The following BRIP1 variants were observed in gnomAD, a reference collection of about 807,000 sequenced individuals.
BRIP1 encodes the protein BRCA1 interacting DNA helicase 1.
BRIP1 carries 88 observed loss-of-function variants against 119.7 expected under a neutral mutation model. The observed-to-expected ratio is 0.74, with a 90% CI of 0.62 to 0.88. BRIP1 has a LOEUF of 0.88. Among genes scored for constraint, BRIP1 ranks in the 40% least tolerant of loss-of-function variants. BRIP1 has a pLI of 0.00. For missense variants in BRIP1, 1,259 were observed against 1,455.4 expected, an observed-to-expected ratio of 0.87 and a Z score of 2.20; for synonymous variants, 443 against 496.5, an observed-to-expected ratio of 0.89 and a Z score of 1.43.
chr17:61,812,434 G>C (rs2145455895), intron 6 of BRIP1, among the ~76,000 whole-genome samples: 1 of 151,656 alleles, frequency 6.6e-6, no homozygotes, highest in South Asian at 2.1e-4. Flanking sequence ...ATAAGACATG[G>C]GGCTTTCCAA....
In BRIP1 at chr17:61,851,508, C is replaced by T. The variant is rs2078821912; in HGVS notation, c.380-2252G>A. Reference sequence around the variant, plus strand: ...TATGGACATCTAACAGGCCTAGCACCACCCAAGTTCTTCCTTTCCCCTACA... The same window carrying T: ...TATGGACATCTAACAGGCCTAGCACTACCCAAGTTCTTCCTTTCCCCTACA... On this transcript the variant is annotated intron_variant, in intron 4 of 19. Transcript: ENST00000259008. This position sits in a 1 kb window ranked among gnomAD's most constrained non-coding sequence, Gnocchi z 4.6. Among the ~76,000 whole-genome samples the T allele has an allele frequency of 6.6e-6, 1 of 152,038 alleles. No individual in the cohort carries two copies. The highest frequency in any genetic ancestry group is 2.4e-5 in the African/African-American group (1 of 41,402).
intron 14 of BRIP1, among the ~76,000 whole-genome samples, chr17:61,750,458 G>A: frequency 6.6e-6 from 1 of 152,126 alleles, no homozygotes; most frequent in African/African-American, 2.4e-5. Flanking sequence ...ATTTGGCAAT[G>A]ATTTGTTGGC....
intron 16 of BRIP1, among the ~76,000 whole-genome samples, chr17:61,719,195 T>C (rs1360967571): frequency 7.0e-6 from 1 of 143,384 alleles, no homozygotes; most frequent in African/African-American, 2.5e-5. Context: ...CCATGTTTAT[T>C]GCAGCACTAT....
At chr17:61,716,164 TAG>T (rs2061859334) in intron 16 of BRIP1, 101 bp from the exon 17 acceptor site, 1 of 753,656 alleles carries the variant, frequency 1.3e-6, no homozygotes, top group African/African-American at 1.8e-5. Context: ...ATTTTTAGGG[TAG>T]AGATTTTATT....
In BRIP1 at chr17:61,695,350, C is replaced by T. The variant is rs1174982331; in HGVS notation, c.2493-1838G>A. 1.3e-5 allele frequency among the ~76,000 whole-genome samples: 2 copies of T among 152,100 alleles called. No homozygotes were observed. Among genetic ancestry groups the T allele is most frequent in the Non-Finnish European group, 2.9e-5 (2 of 67,990 alleles). ...CAATTCTACCCATTGATCTATACAT[C>T]TGTCTTTATGCCAGTACAACATAGT... On this transcript the variant is annotated intron_variant, in intron 17 of 19. Transcript: ENST00000259008. This position sits in a 1 kb window ranked among gnomAD's most constrained non-coding sequence, Gnocchi z 4.3.
Position 61,770,487 on chromosome 17 carries a change from A to G in BRIP1, c.2097+5914T>C, listed in dbSNP as rs1455851562. 6.6e-6 allele frequency among the ~76,000 whole-genome samples: 1 copy of G among 152,242 alleles called. No individual in the cohort carries two copies. The highest frequency in any genetic ancestry group is 1.5e-5 in the Non-Finnish European group (1 of 68,036). ...TGTTTTAACATAGATACAAAAGACA[A>G]TATAAAATGTATTCTGTTTTTAATT... is the stretch of plus-strand genomic sequence containing the variant. On this transcript the variant is annotated intron_variant, in intron 14 of 19. Coordinates refer to ENST00000259008, the MANE Select transcript of BRIP1 (RefSeq NM_032043.3). This position sits in a 1 kb window ranked among gnomAD's most constrained non-coding sequence, Gnocchi z 4.7.
At position 61,814,688 on chromosome 17, in the gene BRIP1, T is replaced by C. The variant is rs140325361; in HGVS notation, c.628-5931A>G. 1.3e-5 allele frequency among the ~76,000 whole-genome samples: 2 copies of C among 152,116 alleles called. No individual in the cohort carries two copies. The highest frequency in any genetic ancestry group is 2.4e-5 in the African/African-American group (1 of 41,546). On this transcript the variant is annotated intron_variant, in intron 6 of 19. Coordinates refer to ENST00000259008, the MANE Select transcript of BRIP1 (RefSeq NM_032043.3). This position sits in a 1 kb window ranked among gnomAD's most constrained non-coding sequence, Gnocchi z 4.9. The stretch of plus-strand genomic sequence containing the variant: ...GATCTAGTGAAATCAAAGATACATA[T>C]ACCCTTTGACCCAGCATGACACTGT...
At chr17:61,688,714 C>G (rs901057211) in intron 18 of BRIP1, among the ~76,000 whole-genome samples, 1 of 149,454 alleles carries the variant, frequency 6.7e-6, no homozygotes, top group African/African-American at 2.5e-5. Context: ...AAAAAATAAC[C>G]CTGTCAAAGG....
intron 16 of BRIP1, among the ~76,000 whole-genome samples, chr17:61,719,579 G>T (rs1305486191): frequency 1.3e-5 from 2 of 151,884 alleles, no homozygotes; most frequent in Non-Finnish European, 2.9e-5. Flanking sequence ...AAAAAAATTA[G>T]CCAGGTGTGG....
intron 19 of BRIP1, 26 bp downstream of exon 19, chr17:61,685,810 A>C: frequency 6.5e-7 from 1 of 1,549,736 alleles, no homozygotes; most frequent in Non-Finnish European, 8.9e-7. Flanking sequence ...TCTCTATCAA[A>C]GGTAAATGGG....
Position 61,780,874 on chromosome 17 carries a change from T to A in BRIP1, c.1760A>T (p.His587Leu), listed in dbSNP as rs876660646. ...KKRSRQKTAV[H>L]VLNFWCLNPA... is the part of the protein sequence containing the mutation. ...ATTTAAGCACCAAAAGTTTAGCACA[T>A]GAACTGCAGTTTTCTGTCGTGAACG... The change falls in exon 12 of 20, where the codon CAT (histidine) becomes CTT (leucine). Residue 587 changes from histidine (H) to leucine (L), a missense_variant. This residue lies in a region of BRIP1 where 753 missense variants were observed against 891.8 expected (regional missense o/e 0.84). Transcript: ENST00000259008. The surrounding 1 kb of genome is among the most constrained non-coding windows in gnomAD (Gnocchi z 5.4). The A allele has an allele frequency of 9.9e-6, 16 of 1,614,206 alleles. No homozygotes were observed. The highest frequency in any genetic ancestry group is 1.4e-5 in the Non-Finnish European group (16 of 1,180,040).
chr17:61,828,641 T>C lies in BRIP1; in HGVS notation c.627+18460A>G, dbSNP rs973437737. Among the ~76,000 whole-genome samples the C allele has an allele frequency of 2.6e-5, 4 of 152,096 alleles. No homozygotes were observed. Among genetic ancestry groups the C allele is most frequent in the Non-Finnish European group, 5.9e-5 (4 of 67,976 alleles). ...TGTTAAATAAAGCTCTTTAAGCTAA[T>C]AGAAAAGTTACACAATACAGAAACT... On this transcript the variant is annotated intron_variant, in intron 6 of 19. Transcript: ENST00000259008. This position sits in a 1 kb window ranked among gnomAD's most constrained non-coding sequence, Gnocchi z 4.1.
chr17:61,811,263 T>A (rs2078156952), intron 6 of BRIP1, among the ~76,000 whole-genome samples: 1 of 152,112 alleles, frequency 6.6e-6, no homozygotes, highest in Non-Finnish European at 1.5e-5. Flanking sequence ...TCACTCTTTT[T>A]GCCCAGGCTG....
intron 6 of BRIP1, among the ~76,000 whole-genome samples, chr17:61,829,110 C>A (rs2890022): frequency 0.56 from 84,142 of 151,472 alleles, 24,717 homozygotes; most frequent in Non-Finnish European, 0.67. Flanking sequence ...GTGATAATTA[C>A]ACTGAATGTA....
chr17:61,852,117 G>A lies in BRIP1; in HGVS notation c.380-2861C>T, dbSNP rs2078830893. On this transcript the variant is annotated intron_variant, in intron 4 of 19. Transcript: ENST00000259008. This position sits in a 1 kb window ranked among gnomAD's most constrained non-coding sequence, Gnocchi z 4.9. ...GACATGGGCCTATTAAGAGGGTAGGGAATGTCCACCCAAAATGATCATTTA... is the reference window on the plus strand; with the variant it reads ...GACATGGGCCTATTAAGAGGGTAGGAAATGTCCACCCAAAATGATCATTTA... 6.6e-6 allele frequency among the ~76,000 whole-genome samples: 1 copy of A among 152,162 alleles called. No homozygotes were observed. Among genetic ancestry groups the A allele is most frequent in the Admixed American group, 6.5e-5 (1 of 15,278 alleles).
rs2076995217 is a variant in BRIP1 at position 61,742,196 on chromosome 17, C to T, written c.2379+817G>A. Reference sequence around the variant, plus strand: ...ACTTTTCTGCAGCCTCCTCACCTCTCTCAGCTTTCACAGAATTGAAGAGAG... The same window carrying T: ...ACTTTTCTGCAGCCTCCTCACCTCTTTCAGCTTTCACAGAATTGAAGAGAG... On this transcript the variant is annotated intron_variant, in intron 16 of 19. Transcript: ENST00000259008. The surrounding 1 kb of genome is among the most constrained non-coding windows in gnomAD (Gnocchi z 4.7). Among the ~76,000 whole-genome samples, 1 of 152,254 alleles carries T rather than the reference C, an allele frequency of 6.6e-6. No homozygotes were observed. The highest frequency in any genetic ancestry group is 2.4e-5 in the African/African-American group (1 of 41,470).
In BRIP1 at chr17:61,851,935, C is replaced by A. The variant is rs1277822840; in HGVS notation, c.380-2679G>T. On this transcript the variant is annotated intron_variant, in intron 4 of 19. Coordinates refer to ENST00000259008, the MANE Select transcript of BRIP1 (RefSeq NM_032043.3). The surrounding 1 kb of genome is among the most constrained non-coding windows in gnomAD (Gnocchi z 4.6). ...ACATTTTTCGTTGTCACAAAAAGAGCAGAGGTGGAAATACTACTAGCATCC... is the reference window on the plus strand; with the variant it reads ...ACATTTTTCGTTGTCACAAAAAGAGAAGAGGTGGAAATACTACTAGCATCC... Among the ~76,000 whole-genome samples the A allele has an allele frequency of 6.6e-6, 1 of 152,158 alleles. No homozygotes were observed. Among genetic ancestry groups the A allele is most frequent in the East Asian group, 1.9e-4 (1 of 5,192 alleles).
Position 61,681,158 on chromosome 17 carries a change from C to T in BRIP1, c.*2138G>A. ...TCAATTACCTCCCACTGGGTCCTTC[C>T]CACAACACGTCGGGATTATGGGAAC... is the stretch of plus-strand genomic sequence containing the variant. On this transcript the variant is annotated 3_prime_UTR_variant, in exon 20 of 20. Transcript: ENST00000259008. This position sits in a 1 kb window ranked among gnomAD's most constrained non-coding sequence, Gnocchi z 5.1. 1 of 192,610 alleles carries T rather than the reference C, an allele frequency of 5.2e-6. No individual in the cohort carries two copies. The highest frequency in any genetic ancestry group is 2.3e-5 in the African/African-American group (1 of 43,060). 11.9% of individuals were successfully genotyped at this position (192,610 alleles called of 1,614,324 possible).
intron 10 of BRIP1, 114 bp from the exon 11 acceptor site, chr17:61,784,538 G>C (rs2077675340): frequency 1.0e-6 from 1 of 970,550 alleles, no homozygotes; most frequent in South Asian, 1.4e-5. Context: ...TAGGTGAACA[G>C]AATTGCTATA....
Sources: gnomAD v4.1 joint callset for allele counts (sites outside exome capture counted in the v4.1 genomes callset) on GRCh38, gnomAD v4.1.1 for gene constraint, gnomAD v4.1.1 regional missense constraint, Gnocchi (gnomAD v3.1) non-coding constraint, MANE v1.5 for transcripts, NCBI Gene and HGNC (gene_info 2026-07-23, HGNC 2026-07-21) for gene names.